Variants in USP42 observed in about 807,000 individuals in gnomAD.
USP42 encodes the protein ubiquitin carboxyl-terminal hydrolase 42.
A neutral mutation model predicts 113.0 loss-of-function variants in USP42; 23 were observed. The ratio of observed to expected loss-of-function variants is 0.20; its 90% CI spans 0.15 to 0.29. The LOEUF is 0.29. USP42 is among the 10% of genes least tolerant of loss of function. USP42 has a pLI of 1.00. For synonymous variants in USP42, 933 were observed against 699.0 expected, an observed-to-expected ratio of 1.33 and a Z score of -5.28; for missense variants, 2,174 against 1,779.8, an observed-to-expected ratio of 1.22 and a Z score of -3.99.
rs761443806 is a variant in USP42, at chr7:6,154,473, T to C, written c.2919T>C (p.Thr973=). The C allele has an allele frequency of 1.9e-5, 30 of 1,557,188 alleles. No homozygotes were observed. The highest frequency in any genetic ancestry group is 2.4e-5 in the Non-Finnish European group (28 of 1,151,822). ...GEPARESRSK[T]EGHRHRRRRT... is the part of the protein sequence containing the mutation. ...CCGCCAGAGAGAGCAGGAGCAAGAC[T>C]GAGGGCCACCGTCACCGGCGGCGCC... The change falls in exon 15 of 18, where the codon ACT becomes ACC. Residue 973 remains threonine, a synonymous_variant. Coordinates refer to ENST00000306177, the MANE Select transcript of USP42 (RefSeq NM_032172.3).
intron 12 of USP42, among the ~76,000 whole-genome samples, chr7:6,148,636 T>C (rs1163310681): frequency 6.6e-6 from 1 of 152,172 alleles, no homozygotes; most frequent in Non-Finnish European, 1.5e-5. Context: ...GGGCGAACAG[T>C]AGTGAGCTAG....
At chr7:6,097,596 CT>C in the USP42 span, among the ~76,000 whole-genome samples, 62 of 143,294 alleles carry the variant, frequency 4.3e-4, no homozygotes, top group African/African-American at 7.1e-4. Flanking sequence ...TTTTTCTTTT[CT>C]TTTTTTTTTT....
the USP42 span, among the ~76,000 whole-genome samples, chr7:6,097,437 A>C: frequency 7.0e-6 from 1 of 142,850 alleles, no homozygotes; most frequent in East Asian, 2.0e-4. Context: ...GTTGCCCTGA[A>C]GACAGAGCAC....
rs796654189 is a variant in USP42 at position 6,161,282 on chromosome 7, C to CTAGT, written c.*767_*770dup. ...TTGTCTGCTTGGTCCCTTCGAGTTT[C>CTAGT]TAGTTACAGACACAATCATACTGTG... is the stretch of plus-strand genomic sequence containing the variant. On this transcript the variant is annotated 3_prime_UTR_variant, in exon 18 of 18. Coordinates refer to ENST00000306177, the MANE Select transcript of USP42 (RefSeq NM_032172.3). 7.9e-4 allele frequency: 121 copies of CTAGT among 152,622 alleles called. No homozygotes were observed. Among genetic ancestry groups the CTAGT allele is most frequent in the African/African-American group, 2.7e-3 (113 of 41,518 alleles). The allele number at this position is 152,622 out of a possible 1,614,324, so 9.5% of individuals were successfully genotyped here. A position where few individuals can be genotyped will look rare whatever the true frequency, so the allele number is the denominator to read the frequency against.
Position 6,153,960 on chromosome 7 carries a change from G to T in USP42, c.2406G>T (p.Pro802=). 6.3e-7 allele frequency: 1 copy of T among 1,595,736 alleles called. No individual in the cohort carries two copies. Among genetic ancestry groups the T allele is most frequent in the Non-Finnish European group, 8.5e-7 (1 of 1,173,428 alleles). ...EAMAVAPEEP[P]PSAGEDIVGD... ...TGGCCGTCGCCCCCGAGGAGCCTCC[G>T]CCCAGCGCCGGCGAGGACATCGTGG... The change falls in exon 15 of 18, where the codon CCG becomes CCT. Residue 802 remains proline (P), a synonymous_variant. Transcript: ENST00000306177.
intron 3 of USP42, 50 bp from the exon 4 acceptor site, chr7:6,135,791 T>G (rs1158557160): frequency 2.7e-6 from 3 of 1,123,312 alleles, no homozygotes; most frequent in South Asian, 3.0e-5. Flanking sequence ...CCTTGATGTG[T>G]GTATATGGTT....
chr7:6,098,160 C>T, the USP42 span, among the ~76,000 whole-genome samples: 2 of 149,876 alleles, frequency 1.3e-5, no homozygotes, highest in South Asian at 4.2e-4. Context: ...ACCTTGGCCT[C>T]CCAAAGTGCT....
In USP42 at chr7:6,115,314, T is replaced by A. The variant is rs781298236; in HGVS notation, c.242-9T>A. The A allele has an allele frequency of 1.4e-5, 23 of 1,613,254 alleles. No individual in the cohort carries two copies. Among genetic ancestry groups the A allele is most frequent in the Non-Finnish European group, 1.8e-5 (21 of 1,179,678 alleles). On this transcript the variant is annotated splice_polypyrimidine_tract_variant and intron_variant, in intron 2 of 17. Transcript: ENST00000306177. Reference sequence around the variant, plus strand: ...TTGGTTTCTGACTCTTTCTTGTTTATTTTTCTAGCCCTAGGTGATGGCATC... The same window carrying A: ...TTGGTTTCTGACTCTTTCTTGTTTAATTTTCTAGCCCTAGGTGATGGCATC...
At chr7:6,142,014 G>C (rs1465735462) in intron 7 of USP42, among the ~76,000 whole-genome samples, 1 of 152,182 alleles carries the variant, frequency 6.6e-6, no homozygotes, top group Non-Finnish European at 1.5e-5. Context: ...GTGGTGCAGT[G>C]AATGGATAGA....
the USP42 span, among the ~76,000 whole-genome samples, chr7:6,099,784 GA>G: frequency 2.7e-5 from 4 of 150,686 alleles, 1 homozygote; most frequent in African/African-American, 1.0e-4. Flanking sequence ...CCAATATGGT[GA>G]AACCCCATCT....
intron 2 of USP42, among the ~76,000 whole-genome samples, chr7:6,114,405 A>G (rs114313914): frequency 2.0e-3 from 301 of 151,984 alleles, no homozygotes; most frequent in African/African-American, 6.9e-3. Flanking sequence ...CCGTCAACCA[A>G]CTTTGACATT....
the USP42 span, among the ~76,000 whole-genome samples, chr7:6,098,199 A>G: frequency 1.9e-4 from 28 of 149,484 alleles, 1 homozygote; most frequent in East Asian, 2.0e-4. Flanking sequence ...CACCGCGCCC[A>G]GCCCATGTAG....
intron 4 of USP42, among the ~76,000 whole-genome samples, chr7:6,137,226 A>G (rs756601548): frequency 1.3e-5 from 2 of 152,278 alleles, no homozygotes; most frequent in Admixed American, 6.5e-5. Flanking sequence ...ACTGAAGATT[A>G]AAGAGGTCTT....
the USP42 span, among the ~76,000 whole-genome samples, chr7:6,083,507 C>G: frequency 6.7e-6 from 1 of 148,822 alleles, no homozygotes; most frequent in African/African-American, 2.5e-5. Context: ...CTGCCCGCCT[C>G]GGCCTCCCAA....
chr7:6,126,659 G>C (rs1293555654), intron 3 of USP42, among the ~76,000 whole-genome samples: 2 of 152,200 alleles, frequency 1.3e-5, no homozygotes, highest in Non-Finnish European at 2.9e-5. Flanking sequence ...GATATCGTGA[G>C]TGGAGCTGCG....
intron 3 of USP42, among the ~76,000 whole-genome samples, chr7:6,128,911 C>G (rs1020281189): frequency 6.6e-6 from 1 of 151,170 alleles, no homozygotes; most frequent in African/African-American, 2.4e-5. Flanking sequence ...GCCTCAGTCT[C>G]CCAACCTCAA....
At chr7:6,112,836 T>C (rs903819064) in intron 2 of USP42, among the ~76,000 whole-genome samples, 8 of 152,062 alleles carry the variant, frequency 5.3e-5, no homozygotes, top group East Asian at 1.9e-4. Context: ...AGCCAAAAGA[T>C]TGGACACCCC....
chr7:6,125,909 A>G (rs1309701755), intron 3 of USP42, among the ~76,000 whole-genome samples: 1 of 151,922 alleles, frequency 6.6e-6, no homozygotes, highest in Non-Finnish European at 1.5e-5. Context: ...ATGCACTTGT[A>G]AGAAATAATA....
rs370274525 is a variant in USP42, at chr7:6,134,832, C to G, written c.443-1009C>G. 1.8e-4 allele frequency among the ~76,000 whole-genome samples: 28 copies of G among 152,264 alleles called. No individual in the cohort carries two copies. In the East Asian group the frequency reaches 3.3e-3, roughly 18 times the overall value. On this transcript the variant is annotated intron_variant, in intron 3 of 17. Coordinates refer to ENST00000306177, the MANE Select transcript of USP42 (RefSeq NM_032172.3). ...ACAGGGTCTCGCTCTGTTGCCCAGG[C>G]TGTAGTGCAGTGGTGTGATCACAGC...
Sources: allele counts gnomAD v4.1 joint callset (sites outside exome capture counted in the v4.1 genomes callset), GRCh38; gene constraint gnomAD v4.1.1; transcripts MANE v1.5; gene names NCBI Gene and HGNC (gene_info 2026-07-23, HGNC 2026-07-21).